LRRC9: variants seen among roughly 807,000 people sequenced by gnomAD.
The protein encoded by LRRC9 is leucine rich repeat containing 9.
Under a neutral mutation model 63.2 loss-of-function variants are expected in LRRC9, and 122 were observed. That is an observed-to-expected ratio of 1.93 (90% confidence interval 1.67 to 2.24). The LOEUF is 2.24. Among genes scored for constraint, LRRC9 ranks in the 30% most tolerant of loss-of-function variants. LRRC9 has a pLI of 0.00. For synonymous variants in LRRC9, 366 were observed against 213.1 expected, an observed-to-expected ratio of 1.72 and a Z score of -6.25; for missense variants, 1,071 against 627.7, an observed-to-expected ratio of 1.71 and a Z score of -7.55.
At position 60,008,456 on chromosome 14, in the gene LRRC9, G is replaced by A. The variant is rs1036064549; in HGVS notation, c.3186+242G>A. 9.9e-5 allele frequency among the ~76,000 whole-genome samples: 15 copies of A among 152,238 alleles called. 1 individual carries two copies. The highest frequency in any genetic ancestry group is 6.5e-4 in the Admixed American group (10 of 15,278). ...TGTGCTGCTTACAATAGAACCCACA[G>A]AATTCAGTGCCTAAAAGGTAAAGAA... On this transcript the variant is annotated intron_variant, in intron 23 of 31. Transcript: ENST00000445360.
At chr14:59,945,987 T>G (rs2139867691) in intron 8 of LRRC9, among the ~76,000 whole-genome samples, 1 of 151,922 alleles carries the variant, frequency 6.6e-6, no homozygotes, top group East Asian at 1.9e-4. Flanking sequence ...AAGTGTAACT[T>G]TGGTCATATG....
intron 28 of LRRC9, among the ~76,000 whole-genome samples, chr14:60,029,914 T>C (rs2140322331): frequency 6.6e-6 from 1 of 151,428 alleles, no homozygotes; most frequent in Middle Eastern, 3.4e-3. Context: ...TAACCATTAA[T>C]ATTATAGTAC....
Position 60,058,159 on chromosome 14 carries a change from C to G in LRRC9, c.4276+137C>G. Reference sequence around the variant, plus strand: ...AAAATTGCATGTTTGCTCAAGTTTCCTATGGCCATTTTGATTTCAGAGATT... The same window carrying G: ...AAAATTGCATGTTTGCTCAAGTTTCGTATGGCCATTTTGATTTCAGAGATT... On this transcript the variant is annotated intron_variant, in intron 31 of 31. Transcript: ENST00000445360. This position sits in a 1 kb window ranked among gnomAD's most constrained non-coding sequence, Gnocchi z 4.4. 1 of 458,050 alleles carries G rather than the reference C, an allele frequency of 2.2e-6. No homozygotes were observed. Among genetic ancestry groups the G allele is most frequent in the Non-Finnish European group, 3.9e-6 (1 of 254,252 alleles). 28.4% of individuals were successfully genotyped at this position (458,050 alleles called of 1,614,324 possible). A position where few individuals can be genotyped will look rare whatever the true frequency, so the allele number is the denominator to read the frequency against.
Position 60,003,207 on chromosome 14 carries a change from C to T in LRRC9, c.2665-414C>T, listed in dbSNP as rs1330820843. On this transcript the variant is annotated intron_variant, in intron 20 of 31. Transcript: ENST00000445360. The surrounding 1 kb of genome is among the most constrained non-coding windows in gnomAD (Gnocchi z 4.2). ...AGTTAGAATGGCCCTTTAAATTTGT[C>T]CTAAGTTGGGCTGAGATGGTCAGGC... Among the ~76,000 whole-genome samples, 1 of 152,216 alleles carries T rather than the reference C, an allele frequency of 6.6e-6. No individual in the cohort carries two copies.
rs1187345949 is a variant in LRRC9 at position 60,057,941 on chromosome 14, A to G, written c.4195A>G (p.Ile1399Val). The G allele has an allele frequency of 1.3e-5, 9 of 692,668 alleles. No individual in the cohort carries two copies. The East Asian group carries it at 1.9e-4, about 14-fold the overall frequency. The allele number at this position is 692,668 out of a possible 1,614,324, so 42.9% of individuals were successfully genotyped here. The change falls in exon 31 of 32, where the codon ATA (isoleucine) becomes GTA (valine). Residue 1399 changes from isoleucine to valine, a missense_variant. Ile to Val is a conservative substitution (Grantham distance 29). Coordinates refer to ENST00000445360, the Ensembl canonical transcript of LRRC9. The stretch of plus-strand genomic sequence containing the variant: ...ATTTGGCCAAGTGAAAACTCCTCCC[A>G]TAGAGATAACAAATGTACTTCTGCC...
chr14:59,931,913 G>T, intron 5 of LRRC9, 56 bp from the exon 6 acceptor site: 1 of 688,384 alleles, frequency 1.5e-6, no homozygotes, highest in South Asian at 1.6e-5. Context: ...TCAGAAGTAT[G>T]ACAGAATATG....
chr14:59,975,312 G>C (rs1037414625), intron 13 of LRRC9, among the ~76,000 whole-genome samples: 5 of 151,060 alleles, frequency 3.3e-5, no homozygotes, highest in Non-Finnish European at 7.4e-5. Context: ...AATTTAAGAT[G>C]ATAAGAAAAC....
intron 29 of LRRC9, among the ~76,000 whole-genome samples, chr14:60,041,944 CTGTT>C (rs1322821382): frequency 3.3e-5 from 5 of 152,052 alleles, no homozygotes; most frequent in African/African-American, 7.2e-5. Flanking sequence ...GATGTCCTTT[CTGTT>C]TGTTAGTTTT....
intron 15 of LRRC9, 98 bp from the exon 16 acceptor site, chr14:59,981,750 A>G: frequency 1.6e-6 from 1 of 619,572 alleles, no homozygotes; most frequent in South Asian, 2.0e-5. Flanking sequence ...TGACTGTATA[A>G]CTAAAAATGT....
rs1886090398 is a variant in LRRC9, at chr14:59,975,140, C to CGTATATATATACATATATATGT, written c.1639+432_1639+433insGTATATATATACATATATATGT. Among the ~76,000 whole-genome samples, 2 of 13,506 alleles carry CGTATATATATACATATATATGT rather than the reference C, an allele frequency of 1.5e-4. 1 individual carries two copies. Among genetic ancestry groups the CGTATATATATACATATATATGT allele is most frequent in the Non-Finnish European group, 6.3e-4 (2 of 3,158 alleles). 8.9% of individuals were successfully genotyped at this position (13,506 alleles called of 152,430 possible). A position where few individuals can be genotyped will look rare whatever the true frequency, so the allele number is the denominator to read the frequency against. ...ATATATATATATGTATATATATATACATATATATATGTATATATATATATG... is the reference window on the plus strand; with the variant it reads ...ATATATATATATGTATATATATATACGTATATATATACATATATATGTATATATATATGTATATATATATATG... On this transcript the variant is annotated intron_variant, in intron 13 of 31. Coordinates refer to ENST00000445360, the Ensembl canonical transcript of LRRC9.
intron 26 of LRRC9, 81 bp downstream of exon 26, chr14:60,019,341 A>G: frequency 1.8e-6 from 1 of 554,682 alleles, no homozygotes; most frequent in Non-Finnish European, 3.2e-6. Context: ...TGATAGCAGT[A>G]ACACATTCCA....
At chr14:59,957,182 G>T (rs1883853829) in intron 8 of LRRC9, among the ~76,000 whole-genome samples, 1 of 152,150 alleles carries the variant, frequency 6.6e-6, no homozygotes, top group Non-Finnish European at 1.5e-5. Context: ...TGTCTTGCTA[G>T]GGTGAGGAAG....
chr14:59,964,579 T>A lies in LRRC9; in HGVS notation c.1212-2010T>A, dbSNP rs932341707. Among the ~76,000 whole-genome samples the A allele has an allele frequency of 6.6e-6, 1 of 152,134 alleles. No homozygotes were observed. The highest frequency in any genetic ancestry group is 1.5e-5 in the Non-Finnish European group (1 of 68,024). The stretch of plus-strand genomic sequence containing the variant: ...CATTCATGAGACGCCTCAAGCCCAA[T>A]ATCCCCTATATAGCAAAAACTTTAT... On this transcript the variant is annotated intron_variant, in intron 10 of 31. Transcript: ENST00000445360. The surrounding 1 kb of genome is among the most constrained non-coding windows in gnomAD (Gnocchi z 4.4).
rs1316311688 is a variant in LRRC9 at position 59,966,621 on chromosome 14, G to A, written c.1244G>A (p.Arg415His). Reference sequence around the variant, plus strand: ...TTCTGCTATGAATTAATTCTGTCACGTTTTTGTGCCTGGGACTTCAGAACA... The same window carrying A: ...TTCTGCTATGAATTAATTCTGTCACATTTTTGTGCCTGGGACTTCAGAACA... The change falls in exon 11 of 32, where the codon CGT becomes CAT. Residue 415 changes from arginine (R) to histidine (H), a missense_variant. Physicochemically the swap from Arg to His is conservative, Grantham distance 29. Coordinates refer to ENST00000445360, the Ensembl canonical transcript of LRRC9. This position sits in a 1 kb window ranked among gnomAD's most constrained non-coding sequence, Gnocchi z 4.0. The A allele has an allele frequency of 4.4e-6, 3 of 686,672 alleles. No homozygotes were observed. The highest frequency in any genetic ancestry group is 8.0e-6 in the Non-Finnish European group (3 of 376,938). The allele number at this position is 686,672 out of a possible 1,614,324, so 42.5% of individuals were successfully genotyped here.
At chr14:60,034,015 C>CTTTTTTTTT (rs1157239003) in intron 29 of LRRC9, among the ~76,000 whole-genome samples, 2 of 116,056 alleles carry the variant, frequency 1.7e-5, no homozygotes, top group African/African-American at 7.4e-5. Flanking sequence ...TTTTTTCTTT[C>CTTTTTTTTT]TTTTTTTTTT....
chr14:59,933,353 T>G (rs1889870015), intron 6 of LRRC9, among the ~76,000 whole-genome samples: 1 of 152,172 alleles, frequency 6.6e-6, no homozygotes, highest in Non-Finnish European at 1.5e-5. Context: ...CTTAACACAG[T>G]GTTGGACATG....
chr14:60,001,741 G>A (rs1247768823), intron 19 of LRRC9, among the ~76,000 whole-genome samples: 1 of 152,028 alleles, frequency 6.6e-6, no homozygotes, highest in Non-Finnish European at 1.5e-5. Flanking sequence ...TCATTTTACA[G>A]TCTTATAAAT....
chr14:59,946,128 G>A (rs1882354777), intron 8 of LRRC9, among the ~76,000 whole-genome samples: 1 of 151,042 alleles, frequency 6.6e-6, no homozygotes, highest in African/African-American at 2.4e-5. Context: ...TTAAAAAATT[G>A]GAAACTATCT....
rs1307574473 is a variant in LRRC9, at chr14:59,958,817, C to G, written c.883-1001C>G. ...AAAACGGTGGGAAAAGCATAGTAAC[C>G]CGGCTGGGTAGCACAGTCCCTCACA... On this transcript the variant is annotated intron_variant, in intron 8 of 31. Transcript: ENST00000445360. This position sits in a 1 kb window ranked among gnomAD's most constrained non-coding sequence, Gnocchi z 4.0. Among the ~76,000 whole-genome samples the G allele has an allele frequency of 2.6e-5, 4 of 152,156 alleles. No individual in the cohort carries two copies. The highest frequency in any genetic ancestry group is 9.7e-5 in the African/African-American group (4 of 41,436).
Sources: gnomAD v4.1 joint callset for allele counts (sites outside exome capture counted in the v4.1 genomes callset) on GRCh38, gnomAD v4.1.1 for gene constraint, Gnocchi (gnomAD v3.1) non-coding constraint, MANE v1.5 for transcripts, NCBI Gene and HGNC (gene_info 2026-07-23, HGNC 2026-07-21) for gene names.